MYLK: variants seen among roughly 807,000 people sequenced by gnomAD.
MYLK encodes the protein myosin light chain kinase.
Under a neutral mutation model 203.4 loss-of-function variants are expected in MYLK, and 106 were observed. The ratio of observed to expected loss-of-function variants is 0.52; its 90% CI spans 0.45 to 0.61. The LOEUF (loss-of-function observed/expected upper bound fraction) is 0.61, where lower values mean the gene tolerates loss of function less well. Ranked by LOEUF, MYLK falls within the 20% of genes least tolerant of loss-of-function variation. The probability of loss-of-function intolerance (pLI) is 0.00; values close to 1 mark genes in which losing one functional copy is unlikely to be tolerated. For missense variants in MYLK, 2,072 were observed against 2,442.3 expected (o/e 0.85, Z 3.20); for synonymous variants, 867 against 959.5 (o/e 0.90, Z 1.78).
intron 4 of MYLK, among the ~76,000 whole-genome samples, chr3:123,754,559 G>A (rs1576856349): frequency 6.6e-6 from 1 of 152,318 alleles, no homozygotes; most frequent in East Asian, 1.9e-4. Flanking sequence ...ACCAAAACAA[G>A]TGTTCCAGAA....
At chr3:123,714,655 T>G (rs781047090) in intron 13 of MYLK, among the ~76,000 whole-genome samples, 9 of 152,222 alleles carry the variant, frequency 5.9e-5, no homozygotes, top group Non-Finnish European at 8.8e-5. Context: ...GCTGCTCTGC[T>G]GAGACTGAGC....
Position 123,710,740 on chromosome 3 carries a change from G to A in MYLK, c.1805-847C>T, listed in dbSNP as rs774982536. On this transcript the variant is annotated intron_variant, in intron 13 of 33. Transcript: ENST00000360304. ...TCCTGGGTATGTCCCTGAGAGAAACGCAAGCACATATCCATACAAAGTCTT... is the reference window on the plus strand; with the variant it reads ...TCCTGGGTATGTCCCTGAGAGAAACACAAGCACATATCCATACAAAGTCTT... Among the ~76,000 whole-genome samples, 4 of 152,272 alleles carry A rather than the reference G, an allele frequency of 2.6e-5. No homozygotes were observed. The East Asian group carries it at 5.8e-4, about 22-fold the overall frequency.
At chr3:123,691,991 C>A (rs1052217239) in intron 19 of MYLK, among the ~76,000 whole-genome samples, 2 of 152,314 alleles carry the variant, frequency 1.3e-5, no homozygotes, top group African/African-American at 4.8e-5. Context: ...GGGTGTTCAT[C>A]TAAATCATCA....
Position 123,613,911 on chromosome 3 carries a change from T to A in MYLK, c.*194A>T. Reference sequence around the variant, plus strand: ...TGCACTAGTATCTTAAGGTGCCAACTAACATAGATTAATGCCCATCAATAA... The same window carrying A: ...TGCACTAGTATCTTAAGGTGCCAACAAACATAGATTAATGCCCATCAATAA... On this transcript the variant is annotated 3_prime_UTR_variant, in exon 34 of 34. Transcript: ENST00000360304. The A allele has an allele frequency of 1.6e-6, 1 of 640,312 alleles. No homozygotes were observed. Among genetic ancestry groups the A allele is most frequent in the Admixed American group, 2.8e-5 (1 of 35,488 alleles). The allele number at this position is 640,312 out of a possible 1,614,324, so 39.7% of individuals were successfully genotyped here. A position where few individuals can be genotyped will look rare whatever the true frequency, so the allele number is the denominator to read the frequency against.
chr3:123,751,114 G>A (rs956840208), intron 5 of MYLK, among the ~76,000 whole-genome samples: 1 of 151,408 alleles, frequency 6.6e-6, no homozygotes, highest in Non-Finnish European at 1.5e-5. Flanking sequence ...TCTGAAAGAG[G>A]AGAAGTGAGT....
intron 2 of MYLK, among the ~76,000 whole-genome samples, chr3:123,853,337 A>G (rs2031036393): frequency 6.6e-6 from 1 of 152,128 alleles, no homozygotes. Context: ...CAGCTGCACT[A>G]TTTCTTATGG....
At chr3:123,716,616 A>C (rs1335360902) in intron 13 of MYLK, among the ~76,000 whole-genome samples, 1 of 152,214 alleles carries the variant, frequency 6.6e-6, no homozygotes, top group Non-Finnish European at 1.5e-5. Context: ...CTAAACATAA[A>C]GGTATGGCAT....
intron 29 of MYLK, among the ~76,000 whole-genome samples, chr3:123,632,734 A>G (rs1279068917): frequency 6.6e-6 from 1 of 152,074 alleles, no homozygotes; most frequent in East Asian, 1.9e-4. Flanking sequence ...GGGGTTTTAC[A>G]GGATTTTTAA....
chr3:123,681,982 G>T (rs984104814), intron 20 of MYLK: 5 of 577,454 alleles, frequency 8.7e-6, no homozygotes, highest in Non-Finnish European at 1.6e-5. Flanking sequence ...GCTCAGATGA[G>T]ATGTGCAACA....
At position 123,700,796 on chromosome 3, in the gene MYLK, T is replaced by TCCTGCTGGCGGATCG; in HGVS notation, c.2657_2671dup (p.Ala886_Gln890dup). On this transcript the variant is annotated inframe_insertion, in exon 18 of 34. Coordinates refer to ENST00000360304, the MANE Select transcript of MYLK (RefSeq NM_053025.4). ...GTCTCGGAAGTCCAGCTGCTCCACC[T>TCCTGCTGGCGGATCG]CCTGCTGGCGGATCGCCTCCTCAGT... The TCCTGCTGGCGGATCG allele has an allele frequency of 6.2e-7, 1 of 1,614,194 alleles. No homozygotes were observed. Among genetic ancestry groups the TCCTGCTGGCGGATCG allele is most frequent in the South Asian group, 1.1e-5 (1 of 91,092 alleles).
At chr3:123,634,103 T>C (rs1470238540) in intron 29 of MYLK, among the ~76,000 whole-genome samples, 3 of 152,186 alleles carry the variant, frequency 2.0e-5, no homozygotes, top group Non-Finnish European at 4.4e-5. Context: ...TTTATCCATA[T>C]TAGCCATCTG....
chr3:123,825,571 G>A (rs1034821569), intron 3 of MYLK, among the ~76,000 whole-genome samples: 1 of 152,190 alleles, frequency 6.6e-6, no homozygotes, highest in Non-Finnish European at 1.5e-5. Flanking sequence ...GGAGCACAAA[G>A]TATGCACTTC....
chr3:123,737,575 C>T, intron 7 of MYLK, 32 bp from the exon 8 acceptor site: 1 of 1,613,578 alleles, frequency 6.2e-7, no homozygotes, highest in Non-Finnish European at 8.5e-7. Context: ...CTTGGTCATA[C>T]AAATCTGCTC....
intron 22 of MYLK, among the ~76,000 whole-genome samples, chr3:123,665,911 G>A (rs1446999392): frequency 6.6e-6 from 1 of 152,164 alleles, no homozygotes; most frequent in Non-Finnish European, 1.5e-5. Flanking sequence ...CGACTTTCCT[G>A]ACTCTGAATA....
chr3:123,850,344 G>C (rs543433893), intron 2 of MYLK, among the ~76,000 whole-genome samples: 1 of 152,278 alleles, frequency 6.6e-6, no homozygotes, highest in Non-Finnish European at 1.5e-5. Flanking sequence ...GGTTGAACTA[G>C]TTTACAATCC....
intron 23 of MYLK, among the ~76,000 whole-genome samples, chr3:123,658,701 T>G (rs888231224): frequency 6.6e-6 from 1 of 152,168 alleles, no homozygotes; most frequent in Admixed American, 6.5e-5. Context: ...TAAGCAAACA[T>G]AGATAAAGTA....
At chr3:123,771,353 G>C (rs566770041) in intron 4 of MYLK, among the ~76,000 whole-genome samples, 2 of 152,092 alleles carry the variant, frequency 1.3e-5, no homozygotes, top group Non-Finnish European at 2.9e-5. Flanking sequence ...CAGATCAGTG[G>C]TTAGAGTCCC....
intron 4 of MYLK, among the ~76,000 whole-genome samples, chr3:123,755,267 C>T (rs2063326966): frequency 6.6e-6 from 1 of 152,190 alleles, no homozygotes; most frequent in South Asian, 2.1e-4. Context: ...TGCAGCAGGG[C>T]CAGCTCTGGT....
In MYLK at chr3:123,613,364, A is replaced by T. The variant is rs2057298853; in HGVS notation, c.*741T>A. On this transcript the variant is annotated 3_prime_UTR_variant, in exon 34 of 34. Coordinates refer to ENST00000360304, the MANE Select transcript of MYLK (RefSeq NM_053025.4). ...ATTTTTTTTTTCCCATGGGTTCTTA[A>T]CCAAATGTCTGAAGCTGCTAGACAT... 6.6e-6 allele frequency: 1 copy of T among 152,284 alleles called. No homozygotes were observed. The highest frequency in any genetic ancestry group is 1.5e-5 in the Non-Finnish European group (1 of 68,052). 9.4% of individuals were successfully genotyped at this position (152,284 alleles called of 1,614,324 possible).
Sources: gnomAD v4.1 joint callset for allele counts (sites outside exome capture counted in the v4.1 genomes callset) on GRCh38, gnomAD v4.1.1 for gene constraint, MANE v1.5 for transcripts, NCBI Gene and HGNC (gene_info 2026-07-23, HGNC 2026-07-21) for gene names.